Variants in PLCB4 observed in about 807,000 individuals in gnomAD.
The protein encoded by PLCB4 is phospholipase C beta 4.
In PLCB4, 77 loss-of-function variants were observed where a neutral mutation model predicts 178.8. The observed-to-expected ratio is 0.43, with a 90% CI of 0.36 to 0.52. The LOEUF is 0.52. Ranked by LOEUF, PLCB4 falls within the 20% of genes least tolerant of loss-of-function variation. The pLI is 0.00. For synonymous variants in PLCB4, 496 were observed against 490.8 expected (o/e 1.01, Z -0.14); for missense variants, 1,024 against 1,453.4 (o/e 0.70, Z 4.80).
rs181370154 is a variant in PLCB4, at chr20:9,189,679, G to A, written c.-78-27711G>A. Reference sequence around the variant, plus strand: ...GAAAATTATTTCTCATAATTCTGGAGGCTGAGAAGTCCAAGATCCAGGTGC... The same window carrying A: ...GAAAATTATTTCTCATAATTCTGGAAGCTGAGAAGTCCAAGATCCAGGTGC... On this transcript the variant is annotated intron_variant, in intron 2 of 39. Coordinates refer to ENST00000378473, the MANE Select transcript of PLCB4 (RefSeq NM_001377142.1). Among the ~76,000 whole-genome samples the A allele has an allele frequency of 2.1e-4, 32 of 152,282 alleles. No homozygotes were observed. In the East Asian group the frequency reaches 2.7e-3, roughly 13 times the overall value.
chr20:9,100,622 C>T (rs964287793), intron 2 of PLCB4, among the ~76,000 whole-genome samples: 4 of 152,122 alleles, frequency 2.6e-5, no homozygotes, highest in African/African-American at 7.2e-5. Context: ...GGAGCAACTC[C>T]ATTTTTTGTT....
chr20:9,454,154 G>A (rs1417011095), intron 33 of PLCB4, among the ~76,000 whole-genome samples: 1 of 152,190 alleles, frequency 6.6e-6, no homozygotes, highest in Non-Finnish European at 1.5e-5. Flanking sequence ...GGATTTGTCT[G>A]ATATTTTCTC....
chr20:9,118,405 A>G (rs1223173332), intron 2 of PLCB4, among the ~76,000 whole-genome samples: 2 of 152,058 alleles, frequency 1.3e-5, no homozygotes, highest in Non-Finnish European at 2.9e-5. Flanking sequence ...GGAAATAAAA[A>G]TAACTTTAAA....
intron 3 of PLCB4, among the ~76,000 whole-genome samples, chr20:9,235,500 A>G (rs1568994880): frequency 6.6e-6 from 1 of 152,200 alleles, no homozygotes; most frequent in East Asian, 1.9e-4. Flanking sequence ...TGGACAACAA[A>G]CTATACATAT....
At chr20:9,119,498 C>T (rs1382093123) in intron 2 of PLCB4, among the ~76,000 whole-genome samples, 1 of 142,384 alleles carries the variant, frequency 7.0e-6, no homozygotes, top group African/African-American at 2.6e-5. Context: ...GTCTCTCTTA[C>T]AGTGTATAAA....
At chr20:9,244,316 C>A (rs1205500873) in intron 3 of PLCB4, among the ~76,000 whole-genome samples, 2 of 152,148 alleles carry the variant, frequency 1.3e-5, no homozygotes, top group African/African-American at 4.8e-5. Flanking sequence ...AATATAATGA[C>A]ATTTCCAAAA....
intron 3 of PLCB4, among the ~76,000 whole-genome samples, chr20:9,227,462 T>G (rs1189088142): frequency 6.6e-6 from 1 of 152,196 alleles, no homozygotes; most frequent in Non-Finnish European, 1.5e-5. Context: ...TTTATGATTT[T>G]TAGCCCTTAT....
intron 4 of PLCB4, among the ~76,000 whole-genome samples, chr20:9,309,785 T>C (rs1017233253): frequency 3.9e-5 from 6 of 152,214 alleles, no homozygotes; most frequent in Non-Finnish European, 5.9e-5. Context: ...GAACCAGAGA[T>C]TCATTTGAAT....
Position 9,473,383 on chromosome 20 carries a change from C to T in PLCB4, c.3495+18C>T, listed in dbSNP as rs147914533. On this transcript the variant is annotated intron_variant, in intron 38 of 39. Coordinates refer to ENST00000378473, the MANE Select transcript of PLCB4 (RefSeq NM_001377142.1). ...ATGAGCAGGTATTTTACCTAAAATA[C>T]GTAAAAACATGCAGGCAGCTAGCCA... 118 of 1,438,512 alleles carry T rather than the reference C, an allele frequency of 8.2e-5. No individual in the cohort carries two copies. The highest frequency in any genetic ancestry group is 5.8e-4 in the African/African-American group (41 of 70,114). The allele number at this position is 1,438,512 out of a possible 1,614,324, so 89.1% of individuals were successfully genotyped here. A position where few individuals can be genotyped will look rare whatever the true frequency, so the allele number is the denominator to read the frequency against.
intron 3 of PLCB4, among the ~76,000 whole-genome samples, chr20:9,257,438 G>A (rs1356062379): frequency 2.0e-5 from 3 of 152,140 alleles, no homozygotes; most frequent in African/African-American, 7.2e-5. Context: ...ATATAATTAT[G>A]TAGAACTATA....
chr20:9,124,810 G>GT (rs2092067580), intron 2 of PLCB4, among the ~76,000 whole-genome samples: 1 of 152,076 alleles, frequency 6.6e-6, no homozygotes, highest in Non-Finnish European at 1.5e-5. Flanking sequence ...TTATTTGCAT[G>GT]TATCATCTTT....
intron 15 of PLCB4, 55 bp from the exon 16 acceptor site, chr20:9,389,824 G>A (rs1438496749): frequency 4.4e-6 from 4 of 904,870 alleles, no homozygotes; most frequent in Non-Finnish European, 7.2e-6. Flanking sequence ...ATAGTTTTGG[G>A]TGCCTTAATT....
chr20:9,427,438 C>T (rs1397572065), intron 28 of PLCB4, among the ~76,000 whole-genome samples: 1 of 151,284 alleles, frequency 6.6e-6, no homozygotes. Context: ...TTAATTTTTT[C>T]AATATTATTT....
intron 12 of PLCB4, among the ~76,000 whole-genome samples, chr20:9,379,164 G>C (rs1183107687): frequency 6.6e-6 from 1 of 152,136 alleles, no homozygotes; most frequent in Non-Finnish European, 1.5e-5. Flanking sequence ...AATCCTCAGT[G>C]AACAGAAAGG....
At chr20:9,314,724 C>T (rs889198960) in intron 4 of PLCB4, among the ~76,000 whole-genome samples, 5 of 152,150 alleles carry the variant, frequency 3.3e-5, no homozygotes, top group Admixed American at 2.6e-4. Flanking sequence ...AACACATGGG[C>T]GCATCTTCCT....
intron 2 of PLCB4, among the ~76,000 whole-genome samples, chr20:9,179,220 A>G (rs1189569707): frequency 6.6e-6 from 1 of 152,182 alleles, no homozygotes; most frequent in Non-Finnish European, 1.5e-5. Flanking sequence ...GCAGGTGGAT[A>G]GGGTGGCACA....
At chr20:9,244,577 T>C (rs2094104372) in intron 3 of PLCB4, among the ~76,000 whole-genome samples, 2 of 152,182 alleles carry the variant, frequency 1.3e-5, no homozygotes, top group Non-Finnish European at 2.9e-5. Flanking sequence ...GTGATTGAAG[T>C]GTCAAATGAT....
chr20:9,372,995 T>A, intron 11 of PLCB4, 52 bp from the exon 12 acceptor site: 1 of 779,552 alleles, frequency 1.3e-6, no homozygotes, highest in Non-Finnish European at 2.3e-6. Context: ...AAATCGTACA[T>A]ACTGTAGCAT....
At chr20:9,114,386 T>C (rs1279808664) in intron 2 of PLCB4, among the ~76,000 whole-genome samples, 1 of 151,998 alleles carries the variant, frequency 6.6e-6, no homozygotes, top group African/African-American at 2.4e-5. Flanking sequence ...AGTGACCTGA[T>C]TTGTTTATCA....
Sources: allele counts gnomAD v4.1 joint callset (sites outside exome capture counted in the v4.1 genomes callset), GRCh38; gene constraint gnomAD v4.1.1; transcripts MANE v1.5; gene names NCBI Gene and HGNC (gene_info 2026-07-23, HGNC 2026-07-21).